The following NRG3 variants were observed in gnomAD, a reference collection of about 807,000 sequenced individuals.
NRG3 encodes neuregulin 3, also known as pro-neuregulin-3, membrane-bound isoform.
Under a neutral mutation model 66.9 loss-of-function variants are expected in NRG3, and 31 were observed. That is an observed-to-expected ratio of 0.46 (90% confidence interval 0.35 to 0.63). The LOEUF is 0.63. NRG3 is among the 20% of genes least tolerant of loss of function. The probability of loss-of-function intolerance (pLI) is 0.00; values close to 1 mark genes in which losing one functional copy is unlikely to be tolerated. For synonymous variants in NRG3, 393 were observed against 359.4 expected (o/e 1.09, Z -1.06); for missense variants, 910 against 878.9 (o/e 1.04, Z -0.45).
chr10:82,118,968 C>G (rs1827839173), intron 1 of NRG3, among the ~76,000 whole-genome samples: 2 of 152,150 alleles, frequency 1.3e-5, no homozygotes, highest in African/African-American at 4.8e-5. Context: ...AAGTTCTCAA[C>G]TGAGTGTCCT....
intron 1 of NRG3, among the ~76,000 whole-genome samples, chr10:82,246,052 T>C (rs1357324005): frequency 6.7e-6 from 1 of 150,162 alleles, no homozygotes; most frequent in East Asian, 2.0e-4. Context: ...CAGGAAAGTA[T>C]GACATATGAA....
intron 2 of NRG3, among the ~76,000 whole-genome samples, chr10:82,510,282 C>T (rs1845054933): frequency 6.6e-6 from 1 of 152,100 alleles, no homozygotes; most frequent in Non-Finnish European, 1.5e-5. Flanking sequence ...TTGTTTCCAT[C>T]GTGCATCTAG....
chr10:82,851,691 G>A (rs2063567073), intron 3 of NRG3, among the ~76,000 whole-genome samples: 1 of 152,134 alleles, frequency 6.6e-6, no homozygotes, highest in African/African-American at 2.4e-5. Context: ...CTACAAATAA[G>A]AGAGATCACC....
At chr10:82,182,098 A>T (rs1589236372) in intron 1 of NRG3, among the ~76,000 whole-genome samples, 1 of 150,170 alleles carries the variant, frequency 6.7e-6, no homozygotes, top group East Asian at 1.9e-4. Context: ...TTTGAATGGA[A>T]CATGTTTTTT....
chr10:82,638,560 A>G (rs933056002), intron 2 of NRG3, among the ~76,000 whole-genome samples: 1 of 152,122 alleles, frequency 6.6e-6, no homozygotes, highest in Non-Finnish European at 1.5e-5. Context: ...CAAGGACTGG[A>G]TGTCATTTGT....
intron 3 of NRG3, among the ~76,000 whole-genome samples, chr10:82,842,211 A>T (rs1347679058): frequency 6.6e-6 from 1 of 152,164 alleles, no homozygotes; most frequent in Non-Finnish European, 1.5e-5. Flanking sequence ...AGATCACACC[A>T]CTGCACTCCA....
At chr10:82,347,879 A>G in intron 1 of NRG3, among the ~76,000 whole-genome samples, 1 of 151,868 alleles carries the variant, frequency 6.6e-6, no homozygotes, top group East Asian at 1.9e-4. Context: ...ATCAGAGACT[A>G]GGATTGCAAC....
chr10:81,994,584 T>C, intron 1 of NRG3, among the ~76,000 whole-genome samples: 1 of 152,084 alleles, frequency 6.6e-6, no homozygotes, highest in Non-Finnish European at 1.5e-5. Context: ...TGTCGAATAG[T>C]TGGAAAGAAT....
chr10:82,861,184 G>A (rs1264519098), intron 3 of NRG3, among the ~76,000 whole-genome samples: 2 of 151,774 alleles, frequency 1.3e-5, no homozygotes, highest in Admixed American at 1.3e-4. Context: ...CAAAGAAAGT[G>A]AGAGAGAGAG....
intron 4 of NRG3, among the ~76,000 whole-genome samples, chr10:82,865,843 T>G (rs1840670376): frequency 6.6e-6 from 1 of 152,222 alleles, no homozygotes; most frequent in Non-Finnish European, 1.5e-5. Context: ...AAATGTCAGT[T>G]TTTAAATTTT....
chr10:82,263,132 G>C (rs1473933246), intron 1 of NRG3, among the ~76,000 whole-genome samples: 3 of 152,170 alleles, frequency 2.0e-5, no homozygotes, highest in Non-Finnish European at 4.4e-5. Flanking sequence ...CGATGAGTCT[G>C]GGGACTTAAT....
chr10:82,096,394 T>C lies in NRG3; in HGVS notation c.823+220231T>C, dbSNP rs565629391. On this transcript the variant is annotated intron_variant, in intron 1 of 8. Coordinates refer to ENST00000372141, the MANE Select transcript of NRG3 (RefSeq NM_001010848.4). ...CGGAGGCTGAGGCAGGAGGATCGCT[T>C]GAACCTGGGAGGTAGAGGTTGCAGT... Among the ~76,000 whole-genome samples, 3 of 152,178 alleles carry C rather than the reference T, an allele frequency of 2.0e-5. No homozygotes were observed. The South Asian group carries it at 6.2e-4, about 32-fold the overall frequency.
At chr10:82,535,196 G>A (rs1376753945) in intron 2 of NRG3, among the ~76,000 whole-genome samples, 1 of 147,722 alleles carries the variant, frequency 6.8e-6, no homozygotes, top group African/African-American at 2.5e-5. Flanking sequence ...TTAGCCATAC[G>A]AGATACAGTC....
At chr10:82,231,636 A>T (rs551791603) in intron 1 of NRG3, among the ~76,000 whole-genome samples, 7 of 152,342 alleles carry the variant, frequency 4.6e-5, no homozygotes, top group African/African-American at 1.7e-4. Context: ...TGCATCACAT[A>T]ACATAGACTC....
chr10:81,881,369 A>T (rs1842167456), intron 1 of NRG3, among the ~76,000 whole-genome samples: 1 of 152,110 alleles, frequency 6.6e-6, no homozygotes, highest in African/African-American at 2.4e-5. Context: ...ATACTCCTTT[A>T]GGGAACTGAG....
chr10:82,513,542 A>T (rs1458013447), intron 2 of NRG3, among the ~76,000 whole-genome samples: 1 of 152,172 alleles, frequency 6.6e-6, no homozygotes, highest in Admixed American at 6.5e-5. Context: ...CCAATGGTTG[A>T]ACTGACTTAC....
intron 2 of NRG3, among the ~76,000 whole-genome samples, chr10:82,491,354 G>A (rs979578005): frequency 3.7e-5 from 3 of 82,068 alleles, no homozygotes; most frequent in African/African-American, 1.0e-4. Flanking sequence ...TCTAGATAAT[G>A]TGTTTATTTA....
intron 1 of NRG3, among the ~76,000 whole-genome samples, chr10:82,306,256 G>A (rs755179303): frequency 6.6e-6 from 1 of 152,004 alleles, no homozygotes; most frequent in Non-Finnish European, 1.5e-5. Context: ...TTTATATGGG[G>A]CTTTCACATT....
chr10:82,602,188 C>T (rs371826502), intron 2 of NRG3, among the ~76,000 whole-genome samples: 3 of 151,834 alleles, frequency 2.0e-5, no homozygotes, highest in Non-Finnish European at 4.4e-5. Flanking sequence ...AGTCCACAGT[C>T]GACTATCCGT....
Sources: gnomAD v4.1 joint callset for allele counts (sites outside exome capture counted in the v4.1 genomes callset) on GRCh38, gnomAD v4.1.1 for gene constraint, MANE v1.5 for transcripts, NCBI Gene and HGNC (gene_info 2026-07-23, HGNC 2026-07-21) for gene names.